The following LUC7L2 variants were observed in gnomAD, a reference collection of about 807,000 sequenced individuals.
LUC7L2 encodes the protein putative RNA-binding protein Luc7-like 2.
In LUC7L2, 25 loss-of-function variants were observed where a neutral mutation model predicts 52.8. The observed-to-expected ratio is 0.47, with a 90% confidence interval of 0.34 to 0.66. The LOEUF (loss-of-function observed/expected upper bound fraction) is 0.66. Among genes scored for constraint, LUC7L2 ranks in the 30% least tolerant of loss-of-function variants. The pLI is 0.01. For missense variants in LUC7L2, 328 were observed against 497.8 expected (o/e 0.66, Z 3.25); for synonymous variants, 144 against 160.9 (o/e 0.89, Z 0.80).
At chr7:139,398,832 A>C in intron 3 of LUC7L2, 135 bp downstream of exon 3, 1 of 662,338 alleles carries the variant, frequency 1.5e-6, no homozygotes, top group Non-Finnish European at 2.3e-6. Flanking sequence ...CTCAAGTAAG[A>C]TCATGTACTT....
intron 2 of LUC7L2, among the ~76,000 whole-genome samples, chr7:139,382,529 C>G (rs922506702): frequency 6.6e-6 from 1 of 152,014 alleles, no homozygotes; most frequent in Non-Finnish European, 1.5e-5. Flanking sequence ...AACAGCCACG[C>G]GCAGCCACAG....
intron 2 of LUC7L2, among the ~76,000 whole-genome samples, chr7:139,392,797 C>T (rs1794499126): frequency 6.6e-6 from 1 of 151,968 alleles, no homozygotes; most frequent in Non-Finnish European, 1.5e-5. Flanking sequence ...GGATTACAGG[C>T]ATGCACCACC....
intron 2 of LUC7L2, among the ~76,000 whole-genome samples, chr7:139,377,589 T>C (rs1191529345): frequency 1.3e-5 from 2 of 152,074 alleles, no homozygotes; most frequent in Non-Finnish European, 2.9e-5. Context: ...AGATGAAGTT[T>C]CGTCATGTTG....
rs1463407406 is a variant in LUC7L2 at position 139,417,788 on chromosome 7, T to C, written c.1001+59T>C. On this transcript the variant is annotated intron_variant, in intron 9 of 9. Coordinates refer to ENST00000354926, the MANE Select transcript of LUC7L2 (RefSeq NM_016019.5). ...CCTTAATGTTTTAGAGTTGTTTATG[T>C]TTACTTATGTTACTTATGTTTAGAG... The C allele has an allele frequency of 1.9e-6, 3 of 1,550,014 alleles. No homozygotes were observed. The African/African-American group carries it at 4.1e-5, about 21-fold the overall frequency.
intron 3 of LUC7L2, among the ~76,000 whole-genome samples, chr7:139,400,511 CACAA>C (rs1394581726): frequency 6.6e-6 from 1 of 152,048 alleles, no homozygotes; most frequent in African/African-American, 2.4e-5. Context: ...TGTCTCAAAA[CACAA>C]ACAGAGAAAC....
intron 1 of LUC7L2, chr7:139,345,530 A>T (rs375051042): frequency 6.2e-7 from 1 of 1,614,080 alleles, no homozygotes; most frequent in East Asian, 2.2e-5. Flanking sequence ...GCAGAGCCCA[A>T]CATGAGCTTC....
rs1397708769 is a variant in LUC7L2, at chr7:139,422,893, G to GT, written c.*559dup. 1.3e-4 allele frequency: 50 copies of GT among 398,922 alleles called. No homozygotes were observed. The highest frequency in any genetic ancestry group is 2.0e-4 in the Non-Finnish European group (46 of 226,054). The allele number at this position is 398,922 out of a possible 1,614,324, so 24.7% of individuals were successfully genotyped here. ...TGCTGGAGAAATTTAAAATACTGGG[G>GT]TTTTTTGTTTAATGGTGCCTATTTA... On this transcript the variant is annotated 3_prime_UTR_variant, in exon 10 of 10. Transcript: ENST00000354926.
intron 2 of LUC7L2, among the ~76,000 whole-genome samples, chr7:139,392,121 C>T (rs1338113135): frequency 6.6e-6 from 1 of 152,134 alleles, no homozygotes; most frequent in Non-Finnish European, 1.5e-5. Context: ...ATCAACCAAA[C>T]CTCTGTTGAG....
chr7:139,413,168 C>T (rs1795444502), intron 8 of LUC7L2, among the ~76,000 whole-genome samples: 1 of 152,158 alleles, frequency 6.6e-6, no homozygotes, highest in African/African-American at 2.4e-5. Context: ...TGACTTTCAG[C>T]GTTAATATTT....
chr7:139,406,762 T>C (rs986051936), intron 5 of LUC7L2, among the ~76,000 whole-genome samples: 1 of 152,196 alleles, frequency 6.6e-6, no homozygotes, highest in Non-Finnish European at 1.5e-5. Flanking sequence ...TGTTCTCTTT[T>C]AATATCTGTA....
intron 2 of LUC7L2, among the ~76,000 whole-genome samples, chr7:139,394,770 T>C (rs1794588544): frequency 1.3e-5 from 2 of 152,162 alleles, no homozygotes. Flanking sequence ...AAGTTAGTAC[T>C]GAAATAACCG....
At chr7:139,374,967 A>G (rs946429231) in intron 1 of LUC7L2, 6 of 986,234 alleles carry the variant, frequency 6.1e-6, no homozygotes, top group Middle Eastern at 5.1e-4. Context: ...ATACAGAGGT[A>G]TTTATATCTC....
chr7:139,386,008 A>ATT (rs956021945), intron 2 of LUC7L2, among the ~76,000 whole-genome samples: 1 of 149,362 alleles, frequency 6.7e-6, no homozygotes, highest in Non-Finnish European at 1.5e-5. Flanking sequence ...GAAAACAATA[A>ATT]TTTTTTTTTT....
intron 1 of LUC7L2, chr7:139,374,863 T>A: frequency 1.0e-6 from 1 of 998,048 alleles, no homozygotes; most frequent in Non-Finnish European, 1.2e-6. Context: ...AGTTTTAATC[T>A]TTTTTGTTAT....
intron 3 of LUC7L2, among the ~76,000 whole-genome samples, chr7:139,401,018 TAAGATTTGGAAGTCCA>T (rs1411749546): frequency 5.9e-5 from 9 of 152,246 alleles, no homozygotes; most frequent in African/African-American, 1.7e-4. Flanking sequence ...TTCTGTACAG[TAAGATTTGGAAGTCCA>T]AACTTGAGAA....
intron 3 of LUC7L2, among the ~76,000 whole-genome samples, chr7:139,400,115 C>T (rs1282553873): frequency 7.0e-6 from 1 of 143,318 alleles, no homozygotes; most frequent in Non-Finnish European, 1.5e-5. Flanking sequence ...ATTTTCCCTA[C>T]TTTTTTGGTG....
At chr7:139,346,458 T>C (rs145697311) in intron 1 of LUC7L2, 1 of 152,270 alleles carries the variant, frequency 6.6e-6, no homozygotes, top group African/African-American at 2.4e-5. Context: ...AAATTTGATG[T>C]GTTACAGTCC....
chr7:139,421,023 A>T (rs141002980), intron 9 of LUC7L2, among the ~76,000 whole-genome samples: 77 of 151,312 alleles, frequency 5.1e-4, no homozygotes, highest in African/African-American at 1.6e-3. Context: ...CTGGTCTTGA[A>T]CTCCTGACCT....
At chr7:139,400,872 AG>A (rs1585118215) in intron 3 of LUC7L2, among the ~76,000 whole-genome samples, 1 of 152,266 alleles carries the variant, frequency 6.6e-6, no homozygotes, top group East Asian at 1.9e-4. Context: ...CACAGATAAA[AG>A]CTGTTTAAGA....
Sources: allele counts gnomAD v4.1 joint callset (sites outside exome capture counted in the v4.1 genomes callset), GRCh38; gene constraint gnomAD v4.1.1; transcripts MANE v1.5; gene names NCBI Gene and HGNC (gene_info 2026-07-23, HGNC 2026-07-21).